Variants in NIPAL3 observed in about 807,000 individuals in gnomAD.
NIPAL3 encodes the protein NIPA-like protein 3.
In NIPAL3, 41 loss-of-function variants were observed where a neutral mutation model predicts 47.2. The ratio of observed to expected loss-of-function variants is 0.87; its 90% CI spans 0.68 to 1.13. The LOEUF is 1.13. Ranked by LOEUF, NIPAL3 falls within the 50% of genes most tolerant of loss-of-function variation. The pLI, the probability that NIPAL3 is intolerant of heterozygous loss-of-function variation, is 0.00. For synonymous variants in NIPAL3, 194 were observed against 209.6 expected (o/e 0.93, Z 0.64); for missense variants, 449 against 530.1 (o/e 0.85, Z 1.50).
chr1:24,458,246 G>C (rs575783955), intron 8 of NIPAL3, among the ~76,000 whole-genome samples: 1 of 152,268 alleles, frequency 6.6e-6, no homozygotes, highest in Non-Finnish European at 1.5e-5. Context: ...CTGTCATTTT[G>C]CCACTGCACT....
At chr1:24,439,466 A>G (rs746297071) in intron 2 of NIPAL3, among the ~76,000 whole-genome samples, 20 of 152,212 alleles carry the variant, frequency 1.3e-4, no homozygotes, top group Non-Finnish European at 2.6e-4. Context: ...AATAAGAACC[A>G]AAATGTTTAT....
Position 24,449,871 on chromosome 1 carries a change from T to G in NIPAL3, c.540+245T>G, listed in dbSNP as rs1453586614. Among the ~76,000 whole-genome samples, 1 of 152,202 alleles carries G rather than the reference T, an allele frequency of 6.6e-6. No homozygotes were observed. The highest frequency in any genetic ancestry group is 2.4e-5 in the African/African-American group (1 of 41,448). On this transcript the variant is annotated intron_variant, in intron 6 of 11. Coordinates refer to ENST00000374399, the MANE Select transcript of NIPAL3 (RefSeq NM_020448.5). The surrounding 1 kb of genome is among the most constrained non-coding windows in gnomAD (Gnocchi z 4.5). ...GCCACTTGGGAAAAACATTTGACAC[T>G]AATTACCAAATTGAATATCCACATA...
chr1:24,420,694 T>C (rs1644289857), intron 2 of NIPAL3, among the ~76,000 whole-genome samples: 1 of 152,322 alleles, frequency 6.6e-6, no homozygotes, highest in East Asian at 1.9e-4. Flanking sequence ...TATTTCCCCA[T>C]GTCATCAAGT....
chr1:24,419,356 TTC>T lies in NIPAL3; in HGVS notation c.-188_-187del. 1.3e-5 allele frequency: 17 copies of T among 1,286,138 alleles called. No individual in the cohort carries two copies. Among genetic ancestry groups the T allele is most frequent in the Non-Finnish European group, 1.7e-5 (17 of 1,018,528 alleles). The allele number at this position is 1,286,138 out of a possible 1,614,324, so 79.7% of individuals were successfully genotyped here. ...CTGGGAGAGCCACGGAAATTGGCAC[TTC>T]TCTGAGTGAAGCTGAGGAGAAGGCT... On this transcript the variant is annotated 5_prime_UTR_variant, in exon 2 of 12. An upstream open reading frame in the 5' UTR gains an earlier in-frame stop. Transcript: ENST00000374399.
chr1:24,423,838 T>C (rs1644451221), intron 2 of NIPAL3, among the ~76,000 whole-genome samples: 1 of 152,146 alleles, frequency 6.6e-6, no homozygotes, highest in Non-Finnish European at 1.5e-5. Context: ...AGCCCTGGGT[T>C]GATTTAGAGC....
chr1:24,466,325 T>C (rs999645379), intron 11 of NIPAL3: 5 of 357,128 alleles, frequency 1.4e-5, no homozygotes, highest in Non-Finnish European at 2.5e-5. Flanking sequence ...AATAAATAAA[T>C]AAAAGAACAC....
intron 2 of NIPAL3, among the ~76,000 whole-genome samples, chr1:24,426,045 A>G (rs1229457568): frequency 1.3e-5 from 2 of 152,222 alleles, no homozygotes; most frequent in African/African-American, 4.8e-5. Context: ...AAAAGCTCTC[A>G]TGAGATAGGT....
rs187490732 is a variant in NIPAL3 at position 24,439,530 on chromosome 1, T to G, written c.94-642T>G. Among the ~76,000 whole-genome samples, 23 of 152,242 alleles carry G rather than the reference T, an allele frequency of 1.5e-4. No individual in the cohort carries two copies. The East Asian group carries it at 2.1e-3, about 14-fold the overall frequency. On this transcript the variant is annotated intron_variant, in intron 2 of 11. Transcript: ENST00000374399. ...AAGTGACTTTTCTATTATGGTGGTG[T>G]TGTTATTGTTATTTTTTTCATTTTT...
chr1:24,419,190 C>T (rs1345689319), intron 1 of NIPAL3, 101 bp from the exon 2 acceptor site: 2 of 527,348 alleles, frequency 3.8e-6, no homozygotes, highest in Non-Finnish European at 4.9e-6. Flanking sequence ...TTGTCATGGC[C>T]GGTTACGTTT....
At chr1:24,430,094 CT>C (rs1644809306) in intron 2 of NIPAL3, among the ~76,000 whole-genome samples, 1 of 152,144 alleles carries the variant, frequency 6.6e-6, no homozygotes, top group Non-Finnish European at 1.5e-5. Context: ...ATAAATATTA[CT>C]GATTGCTAGA....
At position 24,416,317 on chromosome 1, in the gene NIPAL3, T is replaced by A; in HGVS notation, c.-258+413T>A. The A allele has an allele frequency of 1.0e-6, 1 of 985,298 alleles. No homozygotes were observed. The highest frequency in any genetic ancestry group is 1.2e-6 in the Non-Finnish European group (1 of 829,926). 61.0% of individuals were successfully genotyped at this position (985,298 alleles called of 1,614,324 possible). A position where few individuals can be genotyped will look rare whatever the true frequency, so the allele number is the denominator to read the frequency against. ...CTCGAGTTGTAAGTTTCCAGCTCAG[T>A]GGGACGGGACGGAAGAATGTAACCT... On this transcript the variant is annotated intron_variant, in intron 1 of 11. Transcript: ENST00000374399. This position sits in a 1 kb window ranked among gnomAD's most constrained non-coding sequence, Gnocchi z 4.8.
chr1:24,435,019 A>G (rs1002112854), intron 2 of NIPAL3, among the ~76,000 whole-genome samples: 16 of 152,222 alleles, frequency 1.1e-4, no homozygotes, highest in Non-Finnish European at 4.4e-5. Flanking sequence ...CTACAAAACT[A>G]TAGTAGTCAA....
chr1:24,442,083 C>G lies in NIPAL3; in HGVS notation c.191C>G (p.Ser64Cys), dbSNP rs775835021. The part of the protein sequence containing the change: ...QKYCHIRLAG[S>C]KDPRAYFKTK... ...TACTGCCACATCCGCCTGGCAGGCT[C>G]CAAGGATCCCCGGGCCTATTTCAAG... The change falls in exon 4 of 12, where the codon TCC becomes TGC. Residue 64 changes from serine to cysteine, a missense_variant. Ser to Cys is a moderately radical substitution (Grantham distance 112, BLOSUM62 -1). Transcript: ENST00000374399. 4 of 1,614,100 alleles carry G rather than the reference C, an allele frequency of 2.5e-6. No individual in the cohort carries two copies. Among genetic ancestry groups the G allele is most frequent in the Middle Eastern group, 1.6e-4 (1 of 6,062 alleles).
Position 24,453,412 on chromosome 1 carries a change from T to C in NIPAL3, c.545T>C (p.Val182Ala). The change falls in exon 7 of 12, where the codon GTG (valine) becomes GCG (alanine). Residue 182 changes from valine (V) to alanine (A), a missense_variant. Transcript: ENST00000374399. Reference protein sequence around the residue: ...VSWPFLLYMLVEIILFCLLLY... With the variant: ...VSWPFLLYMLAEIILFCLLLY... ...CCTGCTTGCTGCCTTCCACAGCTGG[T>C]GGAGATCATTCTGTTCTGCTTGCTG... 1 of 1,611,886 alleles carries C rather than the reference T, an allele frequency of 6.2e-7. No homozygotes were observed. Among genetic ancestry groups the C allele is most frequent in the Non-Finnish European group, 8.5e-7 (1 of 1,178,370 alleles).
chr1:24,456,677 A>T (rs1646229718), intron 8 of NIPAL3, among the ~76,000 whole-genome samples: 1 of 152,204 alleles, frequency 6.6e-6, no homozygotes, highest in African/African-American at 2.4e-5. Context: ...ACACAGAATT[A>T]AAAAAGAAAA....
intron 2 of NIPAL3, chr1:24,420,202 A>G (rs1165167145): frequency 6.6e-6 from 1 of 152,262 alleles, no homozygotes; most frequent in African/African-American, 2.4e-5. Flanking sequence ...TTTGATTTTT[A>G]AAAAATCACC....
intron 2 of NIPAL3, among the ~76,000 whole-genome samples, chr1:24,424,991 C>G (rs1472838494): frequency 6.6e-6 from 1 of 152,164 alleles, no homozygotes; most frequent in African/African-American, 2.4e-5. Context: ...TCAGCCCTGC[C>G]CTCTGCCCTG....
rs369128340 is a variant in NIPAL3 at position 24,438,018 on chromosome 1, C to G, written c.94-2154C>G. ...AACCTGAGTTAGACAAGGAGAAACT[C>G]CCCTGAGAGCCTCTAACATGCTCTG... On this transcript the variant is annotated intron_variant, in intron 2 of 11. Coordinates refer to ENST00000374399, the MANE Select transcript of NIPAL3 (RefSeq NM_020448.5). 1.4e-3 allele frequency among the ~76,000 whole-genome samples: 212 copies of G among 152,290 alleles called. 1 individual carries two copies. The highest frequency in any genetic ancestry group is 0.014 in the Middle Eastern group (4 of 294).
At chr1:24,440,764 G>T (rs1645343892) in intron 3 of NIPAL3, among the ~76,000 whole-genome samples, 1 of 152,182 alleles carries the variant, frequency 6.6e-6, no homozygotes, top group Non-Finnish European at 1.5e-5. Context: ...CACAGTTGGG[G>T]TGTGCACTGG....
Sources: gnomAD v4.1 joint callset for allele counts (sites outside exome capture counted in the v4.1 genomes callset) on GRCh38, gnomAD v4.1.1 for gene constraint, Gnocchi (gnomAD v3.1) non-coding constraint, MANE v1.5 for transcripts, NCBI Gene and HGNC (gene_info 2026-07-23, HGNC 2026-07-21) for gene names.